The following EPHA5 variants were observed in gnomAD, a reference collection of about 807,000 sequenced individuals.
EPHA5 encodes the protein ephrin type-A receptor 5.
EPHA5 carries 60 observed loss-of-function variants against 105.0 expected under a neutral mutation model. That is an observed-to-expected ratio of 0.57 (90% CI 0.46 to 0.71). The LOEUF (loss-of-function observed/expected upper bound fraction) is 0.71, where lower values mean the gene tolerates loss of function less well. Among genes scored for constraint, EPHA5 ranks in the 30% least tolerant of loss-of-function variants. EPHA5 has a pLI of 0.00. For missense variants in EPHA5, 1,218 were observed against 1,274.7 expected (o/e 0.96, Z 0.68); for synonymous variants, 513 against 449.1 (o/e 1.14, Z -1.80).
At chr4:65,522,048 CA>C (rs1361840067) in intron 3 of EPHA5, among the ~76,000 whole-genome samples, 3 of 151,802 alleles carry the variant, frequency 2.0e-5, no homozygotes, top group African/African-American at 7.3e-5. Context: ...TGATGACACT[CA>C]AAAACCCATC....
chr4:65,476,099 T>TGAGA lies in EPHA5; in HGVS notation c.1402+14274_1402+14277dup, dbSNP rs35934629. On this transcript the variant is annotated intron_variant, in intron 5 of 16. Transcript: ENST00000613740. ...CAAACACTCCCTGCATCAAAATCAC[T>TGAGA]GAGAGAGAGAGAGAGAGAGAGAGAG... Among the ~76,000 whole-genome samples, 557 of 138,178 alleles carry TGAGA rather than the reference T, an allele frequency of 4.0e-3. 4 individuals are homozygous for TGAGA. Among genetic ancestry groups the TGAGA allele is most frequent in the African/African-American group, 0.014 (498 of 35,964 alleles). 90.7% of individuals were successfully genotyped at this position (138,178 alleles called of 152,430 possible).
At chr4:65,362,114 T>C (rs921699462) in intron 11 of EPHA5, among the ~76,000 whole-genome samples, 2 of 151,610 alleles carry the variant, frequency 1.3e-5, no homozygotes, top group African/African-American at 4.8e-5. Context: ...TATGTATCTA[T>C]TTATGATGGT....
chr4:65,625,433 A>C (rs1216824619), intron 2 of EPHA5, among the ~76,000 whole-genome samples: 1 of 152,208 alleles, frequency 6.6e-6, no homozygotes, highest in Non-Finnish European at 1.5e-5. Flanking sequence ...ACAATCATAC[A>C]GTATGTAATA....
At chr4:65,508,743 G>T (rs533277222) in intron 3 of EPHA5, among the ~76,000 whole-genome samples, 2 of 151,772 alleles carry the variant, frequency 1.3e-5, no homozygotes, top group Admixed American at 1.3e-4. Flanking sequence ...TGACAATGCA[G>T]TTTTTTTTAA....
intron 3 of EPHA5, among the ~76,000 whole-genome samples, chr4:65,507,572 A>G (rs910979916): frequency 6.6e-6 from 1 of 152,250 alleles, no homozygotes; most frequent in Admixed American, 6.5e-5. Flanking sequence ...CTCCTTGAAG[A>G]GGTCCTTCAC....
At chr4:65,653,948 C>T (rs1161901994) in intron 1 of EPHA5, among the ~76,000 whole-genome samples, 1 of 151,900 alleles carries the variant, frequency 6.6e-6, no homozygotes, top group East Asian at 1.9e-4. Flanking sequence ...TCTTAGGCTC[C>T]CTTGAATCTG....
At chr4:65,600,779 G>C (rs947148407) in intron 3 of EPHA5, among the ~76,000 whole-genome samples, 1 of 152,138 alleles carries the variant, frequency 6.6e-6, no homozygotes, top group African/African-American at 2.4e-5. Context: ...ATAAAAACAT[G>C]CTGCTTTCTT....
chr4:65,499,094 G>A lies in EPHA5; in HGVS notation c.911-3551C>T, dbSNP rs149817865. Among the ~76,000 whole-genome samples, 274 of 151,458 alleles carry A rather than the reference G, an allele frequency of 1.8e-3. 3 individuals are homozygous for A. Among genetic ancestry groups the A allele is most frequent in the Non-Finnish European group, 2.4e-3 (162 of 67,598 alleles). On this transcript the variant is annotated intron_variant, in intron 3 of 16. Coordinates refer to ENST00000613740, the MANE Select transcript of EPHA5 (RefSeq NM_001281766.3). ...TCCTGTTCCTTCAAGCTCCTTATGA[G>A]CTCTGTTTCTGTTACTATCAGCTGA...
At chr4:65,376,208 C>A (rs958577826) in intron 8 of EPHA5, among the ~76,000 whole-genome samples, 5 of 151,988 alleles carry the variant, frequency 3.3e-5, no homozygotes, top group African/African-American at 9.7e-5. Flanking sequence ...GAAATCTTTT[C>A]TTGGCAAATT....
chr4:65,646,345 A>C, intron 1 of EPHA5, among the ~76,000 whole-genome samples: 1 of 152,184 alleles, frequency 6.6e-6, no homozygotes, highest in East Asian at 1.9e-4. Flanking sequence ...TTATCTTATG[A>C]ATGAATAATC....
At chr4:65,355,426 A>G (rs188193394) in intron 11 of EPHA5, among the ~76,000 whole-genome samples, 39 of 151,624 alleles carry the variant, frequency 2.6e-4, no homozygotes, top group Non-Finnish European at 5.5e-4. Context: ...TGCAACTTAA[A>G]CTTTATTTTA....
chr4:65,553,445 T>C (rs1485427654), intron 3 of EPHA5, among the ~76,000 whole-genome samples: 1 of 152,084 alleles, frequency 6.6e-6, no homozygotes, highest in African/African-American at 2.4e-5. Context: ...TACTCAATAA[T>C]TGCATTTCAA....
At chr4:65,429,077 G>T (rs1268995512) in intron 5 of EPHA5, among the ~76,000 whole-genome samples, 3 of 151,732 alleles carry the variant, frequency 2.0e-5, no homozygotes, top group Non-Finnish European at 2.9e-5. Flanking sequence ...TTTAATACAC[G>T]AAGAGTCCTA....
chr4:65,401,134 AT>A (rs1201980006), intron 8 of EPHA5, among the ~76,000 whole-genome samples: 1 of 151,942 alleles, frequency 6.6e-6, no homozygotes, highest in Non-Finnish European at 1.5e-5. Context: ...ATAATCCTAT[AT>A]TTTTACATCT....
intron 3 of EPHA5, among the ~76,000 whole-genome samples, chr4:65,500,711 C>T (rs969275696): frequency 1.3e-5 from 2 of 150,028 alleles, no homozygotes; most frequent in African/African-American, 4.9e-5. Context: ...AAATATGGCC[C>T]ACCAAGAAAA....
intron 5 of EPHA5, among the ~76,000 whole-genome samples, chr4:65,436,458 C>G (rs75105485): frequency 0.1 from 15,590 of 151,886 alleles, 950 homozygotes; most frequent in East Asian, 0.14. Context: ...CTCCTGGTTA[C>G]TTAGAGGATA....
intron 3 of EPHA5, among the ~76,000 whole-genome samples, chr4:65,582,393 G>T (rs1181483588): frequency 1.3e-5 from 2 of 150,582 alleles, no homozygotes; most frequent in African/African-American, 4.9e-5. Flanking sequence ...GGTATTCTTT[G>T]CTCATAAAAT....
intron 14 of EPHA5, among the ~76,000 whole-genome samples, chr4:65,340,387 CAA>C (rs759322886): frequency 6.6e-6 from 1 of 152,088 alleles, no homozygotes; most frequent in Non-Finnish European, 1.5e-5. Context: ...ATTACTCATG[CAA>C]AGAGATCAGC....
chr4:65,367,510 T>G (rs1718032838), intron 8 of EPHA5, 86 bp from the exon 9 acceptor site: 2 of 1,236,662 alleles, frequency 1.6e-6, no homozygotes, highest in African/African-American at 3.0e-5. Flanking sequence ...ACAACTGAAA[T>G]TATTGCAACC....
Sources: allele counts gnomAD v4.1 joint callset (sites outside exome capture counted in the v4.1 genomes callset), GRCh38; gene constraint gnomAD v4.1.1; transcripts MANE v1.5; gene names NCBI Gene and HGNC (gene_info 2026-07-23, HGNC 2026-07-21).